Variants in RNGTT observed in about 807,000 individuals in gnomAD.
RNGTT encodes the protein mRNA-capping enzyme.
In RNGTT, 33 loss-of-function variants were observed where a neutral mutation model predicts 79.3. The observed-to-expected ratio is 0.42, with a 90% CI of 0.32 to 0.56. The LOEUF (loss-of-function observed/expected upper bound fraction) is 0.56, where lower values mean the gene tolerates loss of function less well. RNGTT is among the 20% of genes least tolerant of loss of function. The pLI is 0.17. For synonymous variants in RNGTT, 222 were observed against 235.9 expected (o/e 0.94, Z 0.54); for missense variants, 497 against 739.1 (o/e 0.67, Z 3.80).
chr6:88,724,363 T>C (rs749776398), intron 13 of RNGTT, among the ~76,000 whole-genome samples: 1 of 152,202 alleles, frequency 6.6e-6, no homozygotes, highest in Non-Finnish European at 1.5e-5. Context: ...TTAGATATGT[T>C]ATAATATGTA....
At chr6:88,918,242 G>A (rs1006496340) in intron 4 of RNGTT, among the ~76,000 whole-genome samples, 6 of 152,076 alleles carry the variant, frequency 3.9e-5, no homozygotes, top group Non-Finnish European at 7.4e-5. Flanking sequence ...AAGATTGCTC[G>A]AGACCAGGAG....
At chr6:88,754,466 T>C (rs1777940817) in intron 13 of RNGTT, among the ~76,000 whole-genome samples, 1 of 152,072 alleles carries the variant, frequency 6.6e-6, no homozygotes, top group Non-Finnish European at 1.5e-5. Flanking sequence ...AAAGAACACA[T>C]ATATTTCCTT....
At chr6:88,655,329 T>C (rs577341976) in intron 14 of RNGTT, among the ~76,000 whole-genome samples, 39 of 152,318 alleles carry the variant, frequency 2.6e-4, no homozygotes, top group Non-Finnish European at 4.7e-4. Context: ...AATATGCTAC[T>C]TTAAAAAAAA....
At chr6:88,869,905 C>T (rs1782300194) in intron 8 of RNGTT, among the ~76,000 whole-genome samples, 1 of 152,140 alleles carries the variant, frequency 6.6e-6, no homozygotes, top group African/African-American at 2.4e-5. Context: ...CAGTAGTTTA[C>T]ATTCTATCAG....
chr6:88,910,225 C>G (rs752973626), intron 4 of RNGTT, among the ~76,000 whole-genome samples: 33 of 152,046 alleles, frequency 2.2e-4, no homozygotes, highest in Non-Finnish European at 3.5e-4. Context: ...GAAATCCAAT[C>G]CAAGGAAGTC....
At chr6:88,776,321 CTT>C (rs34732511) in intron 12 of RNGTT, among the ~76,000 whole-genome samples, 7 of 139,422 alleles carry the variant, frequency 5.0e-5, no homozygotes, top group Non-Finnish European at 6.2e-5. Context: ...ACCTTTTGAC[CTT>C]TTTTTTTTTT....
intron 11 of RNGTT, among the ~76,000 whole-genome samples, chr6:88,816,315 T>C (rs1780313327): frequency 6.6e-6 from 1 of 152,212 alleles, no homozygotes; most frequent in Non-Finnish European, 1.5e-5. Flanking sequence ...TCCATCCTAC[T>C]TCAGTCTAGT....
chr6:88,825,170 T>C (rs543017138), intron 11 of RNGTT, among the ~76,000 whole-genome samples: 2 of 152,346 alleles, frequency 1.3e-5, no homozygotes, highest in South Asian at 4.1e-4. Context: ...TCATAGAGCA[T>C]ACACTGAAGG....
intron 14 of RNGTT, chr6:88,677,931 C>A (rs6938548): frequency 0.02 from 3,046 of 150,240 alleles, 115 homozygotes; most frequent in African/African-American, 0.069. Flanking sequence ...TGAAAGATTT[C>A]TTCAGCAGAA....
chr6:88,718,569 G>C (rs991024774), intron 13 of RNGTT, among the ~76,000 whole-genome samples: 1 of 151,912 alleles, frequency 6.6e-6, no homozygotes, highest in Non-Finnish European at 1.5e-5. Context: ...CTAATGACAA[G>C]ACTATATCAT....
intron 9 of RNGTT, 123 bp downstream of exon 9, chr6:88,853,506 A>G (rs1781741715): frequency 7.9e-6 from 3 of 379,710 alleles, no homozygotes; most frequent in Non-Finnish European, 1.3e-5. Flanking sequence ...CTCCGTCTCA[A>G]AAAAAAAAAA....
At chr6:88,961,788 C>A (rs1444445482) in intron 1 of RNGTT, among the ~76,000 whole-genome samples, 1 of 152,164 alleles carries the variant, frequency 6.6e-6, no homozygotes, top group African/African-American at 2.4e-5. Context: ...TGCAGCCATT[C>A]CTCTCCTAGA....
At chr6:88,648,491 T>A (rs572603357) in intron 14 of RNGTT, among the ~76,000 whole-genome samples, 3 of 148,454 alleles carry the variant, frequency 2.0e-5, no homozygotes, top group South Asian at 2.2e-4. Context: ...ATAATAATAA[T>A]AATAAAAAAT....
intron 1 of RNGTT, among the ~76,000 whole-genome samples, chr6:88,949,172 A>AAAAAAAAAAAAAAAAAAAAAC (rs1785153777): frequency 6.8e-6 from 1 of 146,086 alleles, no homozygotes; most frequent in South Asian, 2.1e-4. Context: ...AAAAAAAAAA[A>AAAAAAAAAAAAAAAAAAAAAC]AAAAAAGAAA....
chr6:88,693,499 A>G (rs1308921876), intron 13 of RNGTT, among the ~76,000 whole-genome samples: 1 of 152,136 alleles, frequency 6.6e-6, no homozygotes, highest in East Asian at 1.9e-4. Context: ...AGAAAATCCC[A>G]GAACCTGATG....
chr6:88,960,560 C>T (rs1785581323), intron 1 of RNGTT, among the ~76,000 whole-genome samples: 2 of 151,858 alleles, frequency 1.3e-5, no homozygotes, highest in South Asian at 4.2e-4. Flanking sequence ...ATGGTGAAAC[C>T]CCATCTCTAC....
At chr6:88,898,407 A>T (rs949201046) in intron 6 of RNGTT, among the ~76,000 whole-genome samples, 1 of 152,050 alleles carries the variant, frequency 6.6e-6, no homozygotes, top group Non-Finnish European at 1.5e-5. Context: ...CTCTAGCTTG[A>T]TAATTTCATT....
chr6:88,843,798 T>C (rs1210955346), intron 11 of RNGTT, among the ~76,000 whole-genome samples: 3 of 151,410 alleles, frequency 2.0e-5, no homozygotes, highest in Non-Finnish European at 2.9e-5. Context: ...CCTTGTGATC[T>C]GCCCGCCTTG....
intron 14 of RNGTT, among the ~76,000 whole-genome samples, chr6:88,644,475 A>G (rs1292198943): frequency 6.6e-6 from 1 of 152,194 alleles, no homozygotes; most frequent in African/African-American, 2.4e-5. Flanking sequence ...CAATAGAAAA[A>G]GAGGGAATCC....
Sources: allele counts gnomAD v4.1 joint callset (sites outside exome capture counted in the v4.1 genomes callset), GRCh38; gene constraint gnomAD v4.1.1; transcripts MANE v1.5; gene names NCBI Gene and HGNC (gene_info 2026-07-23, HGNC 2026-07-21).